HOOK2: variants seen among roughly 807,000 people sequenced by gnomAD.
HOOK2 encodes hook microtubule tethering protein 2.
HOOK2 carries 108 observed loss-of-function variants against 111.9 expected under a neutral mutation model. The observed-to-expected ratio is 0.96, with a 90% CI of 0.83 to 1.13. HOOK2 has a LOEUF of 1.13. HOOK2 is among the 50% of genes most tolerant of loss of function. The probability of loss-of-function intolerance (pLI) is 0.00; values close to 1 mark genes in which losing one functional copy is unlikely to be tolerated. For synonymous variants in HOOK2, 405 were observed against 394.3 expected, an observed-to-expected ratio of 1.03 and a Z score of -0.32; for missense variants, 978 against 951.3, an observed-to-expected ratio of 1.03 and a Z score of -0.37.
In HOOK2 at chr19:12,765,036, C is replaced by T. The variant is rs1476907914; in HGVS notation, c.1686G>A (p.Glu562=). 1 of 1,614,192 alleles carries T rather than the reference C, an allele frequency of 6.2e-7. No individual in the cohort carries two copies. The highest frequency in any genetic ancestry group is 1.7e-5 in the Admixed American group (1 of 60,020). The part of the protein sequence containing the change: ...EADLELQRKR[E]YIEELEPPTD... The stretch of plus-strand genomic sequence containing the variant: ...TGGGTGGCTCCAGCTCCTCAATGTA[C>T]TCCCGCTTCCTCTGCAACTCCAGAT... The change falls in exon 19 of 23, where the codon GAG becomes GAA. Residue 562 remains glutamate (E), a synonymous_variant. Transcript: ENST00000397668.
rs772489547 is a variant in HOOK2, at chr19:12,791,723, C to T, written n.42-17498G>A. 7.2e-7 allele frequency: 1 copy of T among 1,389,984 alleles called. No individual in the cohort carries two copies. Among genetic ancestry groups the T allele is most frequent in the South Asian group, 1.3e-5 (1 of 74,436 alleles). The allele number at this position is 1,389,984 out of a possible 1,614,324, so 86.1% of individuals were successfully genotyped here. On this transcript the variant is annotated intron_variant and non_coding_transcript_variant, in intron 3 of 3. Coordinates refer to the HOOK2 transcript ENST00000589765. This position sits in a 1 kb window ranked among gnomAD's most constrained non-coding sequence, Gnocchi z 7.0. ...GAGCTCGCCGCTCGCTGCAGCGAGGCCCGGAGCGGCCCCGCAGGGACCCTC... is the reference window on the plus strand; with the variant it reads ...GAGCTCGCCGCTCGCTGCAGCGAGGTCCGGAGCGGCCCCGCAGGGACCCTC...
At chr19:12,767,741 G>T in intron 13 of HOOK2, 75 bp downstream of exon 13, 13 of 1,360,692 alleles carry the variant, frequency 9.6e-6, no homozygotes, top group Non-Finnish European at 1.3e-5. Flanking sequence ...ACCTAGACAT[G>T]CACTGGGACA....
intron 11 of HOOK2, 59 bp downstream of exon 11, chr19:12,769,822 A>G: frequency 7.5e-7 from 1 of 1,330,002 alleles, no homozygotes; most frequent in Non-Finnish European, 9.7e-7. Flanking sequence ...GGGCTGGCCA[A>G]CGGTGAGAGA....
intron 14 of HOOK2, 126 bp downstream of exon 14, chr19:12,767,269 C>T: frequency 1.3e-6 from 1 of 743,644 alleles, no homozygotes; most frequent in Non-Finnish European, 2.3e-6. Flanking sequence ...GCCTAGGAGC[C>T]CGGCTGGCAC....
At chr19:12,781,027 G>C (rs1293122512), upstream of HOOK2, among the ~76,000 whole-genome samples, 3 of 141,974 alleles carry the variant, frequency 2.1e-5, no homozygotes, top group African/African-American at 7.8e-5. Context: ...AGAAGGCTGG[G>C]CGCGGTGGCT....
Position 12,790,557 on chromosome 19 carries a change from C to T in HOOK2, n.42-16332G>A, listed in dbSNP as rs1027260998. Among the ~76,000 whole-genome samples, 2 of 152,190 alleles carry T rather than the reference C, an allele frequency of 1.3e-5. No individual in the cohort carries two copies. The highest frequency in any genetic ancestry group is 2.9e-5 in the Non-Finnish European group (2 of 68,030). ...AGCAGTCGTGGAAGATCCAGCAGTC[C>T]TGGTGCGCGGGACCCTCAAGGCCCC... is the stretch of plus-strand genomic sequence containing the variant. On this transcript the variant is annotated intron_variant and non_coding_transcript_variant, in intron 3 of 3. Coordinates refer to the HOOK2 transcript ENST00000589765. The surrounding 1 kb of genome is among the most constrained non-coding windows in gnomAD (Gnocchi z 7.2).
intron 7 of HOOK2, 182 bp downstream of exon 7, chr19:12,772,008 C>T (rs977610438): frequency 1.8e-5 from 11 of 608,914 alleles, no homozygotes; most frequent in Non-Finnish European, 3.3e-5. Context: ...GGAAGATGGG[C>T]GTGGCTTACA....
upstream of HOOK2, among the ~76,000 whole-genome samples, chr19:12,781,165 T>C (rs1282568192): frequency 7.0e-6 from 1 of 141,926 alleles, no homozygotes; most frequent in Non-Finnish European, 1.5e-5. Flanking sequence ...TAGCCGGGCA[T>C]GGTGGCGGGC....
chr19:12,768,849 G>A (rs534913542), intron 11 of HOOK2, among the ~76,000 whole-genome samples: 20 of 152,006 alleles, frequency 1.3e-4, no homozygotes, highest in East Asian at 5.8e-4. Context: ...CCAGGCTGGA[G>A]TGCAGTGATG....
upstream of HOOK2, among the ~76,000 whole-genome samples, chr19:12,782,622 G>T (rs1968615439): frequency 6.6e-6 from 1 of 152,184 alleles, no homozygotes; most frequent in Admixed American, 6.5e-5. Flanking sequence ...GCGGGGGGTG[G>T]AAGGGCGGGA....
chr19:12,784,890 C>G (rs1424410668), intron 3 of HOOK2: 2 of 152,250 alleles, frequency 1.3e-5, no homozygotes, highest in African/African-American at 4.8e-5. Context: ...GTCCCTGGCA[C>G]CCTGGCCCAC....
upstream of HOOK2, among the ~76,000 whole-genome samples, chr19:12,781,878 C>T (rs371061104): frequency 1.3e-5 from 2 of 151,462 alleles, no homozygotes; most frequent in East Asian, 1.9e-4. Flanking sequence ...TCTCCTGTGT[C>T]GCCCAGGCTG....
At chr19:12,771,350 C>T in intron 8 of HOOK2, 31 bp from the exon 9 acceptor site, 1 of 1,607,330 alleles carries the variant, frequency 6.2e-7, no homozygotes, top group Non-Finnish European at 8.5e-7. Flanking sequence ...TGAGCTTGGG[C>T]TTGGAGAGGG....
At chr19:12,774,788 A>G (rs764487643) in intron 2 of HOOK2, 24 bp downstream of exon 2, 4 of 1,613,304 alleles carry the variant, frequency 2.5e-6, no homozygotes, top group Non-Finnish European at 3.4e-6. Context: ...CACTTTTGGG[A>G]TCCTCCCCTT....
rs370856276 is a variant in HOOK2, at chr19:12,774,765, G to A, written c.132-24C>T. 23 of 1,613,078 alleles carry A rather than the reference G, an allele frequency of 1.4e-5. No homozygotes were observed. The East Asian group carries it at 2.7e-4, about 19-fold the overall frequency. On this transcript the variant is annotated intron_variant, in intron 2 of 22. Coordinates refer to ENST00000397668, the MANE Select transcript of HOOK2 (RefSeq NM_013312.3). ...CTCTGGGGGCGAGAAGGTGGGATGA[G>A]CAGACTGGGGGACACTTTTGGGATC...
In HOOK2 at chr19:12,770,003, G is replaced by T; in HGVS notation, c.982C>A (p.Arg328=). ...TCCTCCAGCTGCCGCACCTGCCGCCGCAGCTCCCTCAGCTCGCCCAAGCGG... is the reference window on the plus strand; with the variant it reads ...TCCTCCAGCTGCCGCACCTGCCGCCTCAGCTCCCTCAGCTCGCCCAAGCGG... ...RRRLGELREL[R]RQVRQLEERN... The change falls in exon 11 of 23, where the codon CGG becomes AGG. Residue 328 remains arginine (R), a synonymous_variant. Coordinates refer to ENST00000397668, the MANE Select transcript of HOOK2 (RefSeq NM_013312.3). The T allele has an allele frequency of 1.3e-6, 2 of 1,544,058 alleles. No homozygotes were observed. The highest frequency in any genetic ancestry group is 1.7e-6 in the Non-Finnish European group (2 of 1,148,882).
chr19:12,782,712 C>A (rs1191884362), upstream of HOOK2, among the ~76,000 whole-genome samples: 1 of 152,134 alleles, frequency 6.6e-6, no homozygotes, highest in Non-Finnish European at 1.5e-5. Context: ...CAGGACCAGC[C>A]CCGCCCCGGC....
At chr19:12,772,102 G>T in intron 7 of HOOK2, 88 bp downstream of exon 7, 1 of 993,018 alleles carries the variant, frequency 1.0e-6, no homozygotes, top group East Asian at 2.4e-5. Flanking sequence ...TAAGTCACAA[G>T]GTTAATCACA....
At chr19:12,773,073 G>C in intron 3 of HOOK2, 29 bp from the exon 4 acceptor site, 1 of 1,610,024 alleles carries the variant, frequency 6.2e-7, no homozygotes, top group Non-Finnish European at 8.5e-7. Flanking sequence ...CTGTGGACAA[G>C]TTCAGAGGCC....
Sources: gnomAD v4.1 joint callset for allele counts (sites outside exome capture counted in the v4.1 genomes callset) on GRCh38, gnomAD v4.1.1 for gene constraint, Gnocchi (gnomAD v3.1) non-coding constraint, MANE v1.5 for transcripts, NCBI Gene and HGNC (gene_info 2026-07-23, HGNC 2026-07-21) for gene names.